Variants in NAV2 observed in about 807,000 individuals in gnomAD.
The protein encoded by NAV2 is neuron navigator 2, also known as helicase, APC down-regulated 1.
Under a neutral mutation model 223.2 loss-of-function variants are expected in NAV2, and 54 were observed. The observed-to-expected ratio is 0.24, with a 90% CI of 0.19 to 0.30. The LOEUF (loss-of-function observed/expected upper bound fraction) is 0.30. NAV2 is among the 10% of genes least tolerant of loss of function. The pLI, the probability that NAV2 is intolerant of heterozygous loss-of-function variation, is 1.00. For missense variants in NAV2, 2,806 were observed against 3,147.5 expected (o/e 0.89, Z 2.60); for synonymous variants, 1,279 against 1,239.3 (o/e 1.03, Z -0.67).
At chr11:20,115,047 C>T (rs1240917113) in intron 37 of NAV2, among the ~76,000 whole-genome samples, 1 of 152,098 alleles carries the variant, frequency 6.6e-6, no homozygotes, top group Non-Finnish European at 1.5e-5. Flanking sequence ...CTTAAATGTT[C>T]TTATACCTAC....
intron 8 of NAV2, among the ~76,000 whole-genome samples, chr11:19,944,982 C>G (rs2046766000): frequency 7.3e-6 from 1 of 137,560 alleles, no homozygotes; most frequent in Admixed American, 7.4e-5. Flanking sequence ...CTTTTCTTTC[C>G]CTTTCCCTTT....
intron 1 of NAV2, among the ~76,000 whole-genome samples, chr11:19,489,835 G>A (rs2042565328): frequency 6.6e-6 from 1 of 152,134 alleles, no homozygotes; most frequent in Admixed American, 6.6e-5. Context: ...CACTGTCACG[G>A]GATCCACAGG....
chr11:19,765,090 C>A (rs1015637768), intron 1 of NAV2, among the ~76,000 whole-genome samples: 11 of 152,176 alleles, frequency 7.2e-5, no homozygotes, highest in African/African-American at 2.7e-4. Context: ...CATGGTGTAG[C>A]CAGTGTATAG....
chr11:19,944,916 T>C (rs2046756273), intron 8 of NAV2, among the ~76,000 whole-genome samples: 1 of 149,958 alleles, frequency 6.7e-6, no homozygotes, highest in Non-Finnish European at 1.5e-5. Context: ...TTCCTTCTCT[T>C]TCTTTCTTTT....
chr11:19,471,401 A>G (rs1419251308), intron 1 of NAV2, among the ~76,000 whole-genome samples: 1 of 152,236 alleles, frequency 6.6e-6, no homozygotes, highest in Non-Finnish European at 1.5e-5. Context: ...TAGCAGTATT[A>G]ATAAGAAGCG....
At chr11:19,841,986 A>G (rs2060538088) in intron 2 of NAV2, among the ~76,000 whole-genome samples, 1 of 152,322 alleles carries the variant, frequency 6.6e-6, no homozygotes, top group East Asian at 1.9e-4. Context: ...GTCGAGTGAC[A>G]TGCCTGATGT....
At chr11:19,619,439 G>A (rs1003641269) in intron 1 of NAV2, among the ~76,000 whole-genome samples, 7 of 152,030 alleles carry the variant, frequency 4.6e-5, no homozygotes, top group African/African-American at 1.7e-4. Context: ...CTGACTTTTT[G>A]ATGATCACCA....
intron 11 of NAV2, chr11:20,022,552 G>A (rs1252340744): frequency 1.0e-6 from 1 of 985,560 alleles, no homozygotes; most frequent in Non-Finnish European, 1.2e-6. Context: ...TCTCTCTGTA[G>A]GCTAATCTTT....
chr11:19,628,215 C>G (rs1427447004), intron 1 of NAV2, among the ~76,000 whole-genome samples: 3 of 152,150 alleles, frequency 2.0e-5, no homozygotes, highest in Non-Finnish European at 4.4e-5. Flanking sequence ...TTGGACTTGT[C>G]CGGTGGGAGA....
At chr11:19,841,095 T>C (rs1160531320) in intron 2 of NAV2, among the ~76,000 whole-genome samples, 2 of 152,178 alleles carry the variant, frequency 1.3e-5, no homozygotes, top group Non-Finnish European at 2.9e-5. Context: ...TGTTCTTATA[T>C]TAAGAGGAGT....
intron 1 of NAV2, among the ~76,000 whole-genome samples, chr11:19,474,332 T>C (rs929486792): frequency 6.6e-6 from 1 of 152,262 alleles, no homozygotes; most frequent in East Asian, 1.9e-4. Flanking sequence ...TTTTGGGGCA[T>C]GTTAGAAAGA....
chr11:19,944,312 C>T (rs2046655253), intron 8 of NAV2, among the ~76,000 whole-genome samples: 1 of 152,232 alleles, frequency 6.6e-6, no homozygotes, highest in Non-Finnish European at 1.5e-5. Context: ...GCCAGCTCAG[C>T]TCAAATGCTG....
At chr11:19,640,335 T>G (rs1210167426) in intron 1 of NAV2, among the ~76,000 whole-genome samples, 1 of 152,130 alleles carries the variant, frequency 6.6e-6, no homozygotes, top group Non-Finnish European at 1.5e-5. Context: ...ATGTGTATCG[T>G]GAAACTCTGA....
In NAV2 at chr11:19,939,689, A is replaced by G. The variant is rs1428052189; in HGVS notation, c.2062A>G (p.Thr688Ala). 7.4e-6 allele frequency: 12 copies of G among 1,614,008 alleles called. No individual in the cohort carries two copies. Among genetic ancestry groups the G allele is most frequent in the Admixed American group, 1.7e-5 (1 of 59,998 alleles). ...RSQTDTEGNV[T>A]AESSSTGVSV... Reference sequence around the variant, plus strand: ...TCAGACGGACACTGAAGGGAATGTTACTGCCGAGTCAAGCTCAACAGGTGT... The same window carrying G: ...TCAGACGGACACTGAAGGGAATGTTGCTGCCGAGTCAAGCTCAACAGGTGT... The change falls in exon 8 of 38, where the codon ACT becomes GCT. Residue 688 changes from threonine to alanine, a missense_variant. Physicochemically the swap from Thr to Ala is moderately conservative, Grantham distance 58. Coordinates refer to ENST00000349880, the MANE Select transcript of NAV2 (RefSeq NM_145117.5).
chr11:19,734,053 G>A (rs1219114601), intron 1 of NAV2, among the ~76,000 whole-genome samples: 2 of 152,244 alleles, frequency 1.3e-5, no homozygotes, highest in African/African-American at 4.8e-5. Context: ...AAATAGTGGT[G>A]GACTTTGAGG....
chr11:19,460,963 G>A (rs891263664), intron 1 of NAV2, among the ~76,000 whole-genome samples: 1 of 152,040 alleles, frequency 6.6e-6, no homozygotes, highest in Admixed American at 6.6e-5. Context: ...GCTTCTGGTG[G>A]GATTCATACT....
intron 1 of NAV2, among the ~76,000 whole-genome samples, chr11:19,813,980 C>T (rs1324011287): frequency 6.6e-6 from 1 of 152,144 alleles, no homozygotes; most frequent in Non-Finnish European, 1.5e-5. Flanking sequence ...CACGAGCCCT[C>T]CAAGCAGGAC....
chr11:19,426,693 C>A (rs1850842092), intron 1 of NAV2, among the ~76,000 whole-genome samples: 1 of 117,658 alleles, frequency 8.5e-6, no homozygotes, highest in African/African-American at 3.2e-5. Context: ...ACAGTCCCAT[C>A]AATTTTTTTT....
chr11:19,875,080 C>G (rs570885099), intron 4 of NAV2, among the ~76,000 whole-genome samples: 8 of 152,272 alleles, frequency 5.3e-5, no homozygotes, highest in Non-Finnish European at 1.5e-5. Context: ...TCACTTGAAT[C>G]CAGGAGGCAG....
Sources: gnomAD v4.1 joint callset for allele counts (sites outside exome capture counted in the v4.1 genomes callset) on GRCh38, gnomAD v4.1.1 for gene constraint, MANE v1.5 for transcripts, NCBI Gene and HGNC (gene_info 2026-07-23, HGNC 2026-07-21) for gene names.